The following TYRP1 variants were observed in gnomAD, a reference collection of about 807,000 sequenced individuals.
The protein encoded by TYRP1 is 5,6-dihydroxyindole-2-carboxylic acid oxidase.
In TYRP1, 49 loss-of-function variants were observed where a neutral mutation model predicts 42.8. The ratio of observed to expected loss-of-function variants is 1.14; its 90% CI spans 0.91 to 1.45. The LOEUF (loss-of-function observed/expected upper bound fraction) is 1.45, where lower values mean the gene tolerates loss of function less well. Ranked by LOEUF, TYRP1 falls within the 40% of genes most tolerant of loss-of-function variation. TYRP1 has a pLI of 0.00. For synonymous variants in TYRP1, 279 were observed against 235.4 expected, an observed-to-expected ratio of 1.19 and a Z score of -1.69; for missense variants, 848 against 662.0, an observed-to-expected ratio of 1.28 and a Z score of -3.08.
chr9:12,706,399 A>C (rs1429415907), intron 6 of TYRP1, among the ~76,000 whole-genome samples: 1 of 152,004 alleles, frequency 6.6e-6, no homozygotes, highest in Non-Finnish European at 1.5e-5. Context: ...ATTATTTCAC[A>C]TTGATAGCAA....
intron 5 of TYRP1, among the ~76,000 whole-genome samples, chr9:12,703,541 G>T (rs866387317): frequency 1.3e-5 from 2 of 151,676 alleles, no homozygotes; most frequent in African/African-American, 2.4e-5. Flanking sequence ...CTTATTTCCT[G>T]ACAAAATGTA....
chr9:12,706,695 A>G (rs910518423), intron 6 of TYRP1, among the ~76,000 whole-genome samples: 1 of 152,058 alleles, frequency 6.6e-6, no homozygotes, highest in Non-Finnish European at 1.5e-5. Context: ...CTTCTTAAAT[A>G]TTCCTTGTAC....
chr9:12,698,311 C>G (rs1473794204), intron 3 of TYRP1, 140 bp from the exon 4 acceptor site: 1 of 836,924 alleles, frequency 1.2e-6, no homozygotes, highest in African/African-American at 1.7e-5. Context: ...CTCTGGGCCC[C>G]TCAGACACCG....
chr9:12,702,200 A>C, intron 4 of TYRP1, 71 bp from the exon 5 acceptor site: 1 of 1,527,734 alleles, frequency 6.5e-7, no homozygotes, highest in Non-Finnish European at 9.0e-7. Flanking sequence ...GCTATGTATA[A>C]AGTTTTAAAG....
At chr9:12,705,597 A>C (rs1258087047) in intron 6 of TYRP1, among the ~76,000 whole-genome samples, 1 of 152,078 alleles carries the variant, frequency 6.6e-6, no homozygotes, top group African/African-American at 2.4e-5. Context: ...CTGTAATCGC[A>C]GCACTTTGGG....
chr9:12,704,834 T>G (rs1471201963), intron 6 of TYRP1, 129 bp downstream of exon 6: 6 of 880,706 alleles, frequency 6.8e-6, no homozygotes, highest in Non-Finnish European at 1.1e-5. Flanking sequence ...AGCTGTAATA[T>G]CAAGTCACTT....
intron 6 of TYRP1, among the ~76,000 whole-genome samples, chr9:12,704,951 C>CTAAT (rs1254833767): frequency 6.6e-6 from 1 of 151,990 alleles, no homozygotes; most frequent in Non-Finnish European, 1.5e-5. Flanking sequence ...ATCATCTCTC[C>CTAAT]TAATTTTTGC....
At position 12,708,108 on chromosome 9, in the gene TYRP1, A is replaced by G; in HGVS notation, c.1373A>G (p.Asp458Gly). 6.2e-7 allele frequency: 1 copy of G among 1,612,816 alleles called. No individual in the cohort carries two copies. The highest frequency in any genetic ancestry group is 1.1e-5 in the South Asian group (1 of 91,052). ...TNTEMFVTAP[D>G]NLGYTYEIQW... ...ACAGAAATGTTTGTTACTGCTCCAG[A>G]CAACCTGGGATACACTTATGAAATT... is the stretch of plus-strand genomic sequence containing the variant. The change falls in exon 7 of 8, where the codon GAC (aspartate) becomes GGC (glycine). Residue 458 changes from aspartate to glycine, a missense_variant. Transcript: ENST00000388918.
intron 3 of TYRP1, among the ~76,000 whole-genome samples, chr9:12,698,210 T>C (rs576042799): frequency 6.6e-6 from 1 of 152,228 alleles, no homozygotes; most frequent in South Asian, 2.1e-4. Context: ...TTTTCAGAAA[T>C]GTCTGCATAA....
intron 2 of TYRP1, among the ~76,000 whole-genome samples, chr9:12,694,796 C>A (rs1166173118): frequency 6.6e-6 from 1 of 152,178 alleles, no homozygotes; most frequent in African/African-American, 2.4e-5. Context: ...TCTGCAACTA[C>A]CCCTGCTGAC....
At chr9:12,695,390 A>G (rs916065479) in intron 2 of TYRP1, 125 bp from the exon 3 acceptor site, 7 of 869,394 alleles carry the variant, frequency 8.1e-6, no homozygotes, top group South Asian at 6.4e-5. Context: ...AAAGTGTAAA[A>G]TAATTTAAAA....
chr9:12,701,550 T>G (rs1470212196), intron 4 of TYRP1: 2 of 151,976 alleles, frequency 1.3e-5, no homozygotes, highest in African/African-American at 4.8e-5. Flanking sequence ...CTAAGAAAAT[T>G]TTTCTTAATC....
At chr9:12,707,300 A>C (rs894344764) in intron 6 of TYRP1, among the ~76,000 whole-genome samples, 1 of 151,972 alleles carries the variant, frequency 6.6e-6, no homozygotes, top group Non-Finnish European at 1.5e-5. Context: ...ATTATTTTCA[A>C]ATCTACTATT....
At position 12,703,907 on chromosome 9, in the gene TYRP1, GTGTA is replaced by G. The variant is rs1435979759; in HGVS notation, c.1082-617_1082-614del. Among the ~76,000 whole-genome samples the G allele has an allele frequency of 1.0e-3, 143 of 139,686 alleles. 2 individuals carry two copies. Among genetic ancestry groups the G allele is most frequent in the African/African-American group, 3.1e-3 (124 of 39,388 alleles). The allele number at this position is 139,686 out of a possible 152,430, so 91.6% of individuals were successfully genotyped here. A position where few individuals can be genotyped will look rare whatever the true frequency, so the allele number is the denominator to read the frequency against. On this transcript the variant is annotated intron_variant, in intron 5 of 7. Coordinates refer to ENST00000388918, the MANE Select transcript of TYRP1 (RefSeq NM_000550.3). ...TATGTGTGTGTGTGTGTGTGTGTGT[GTGTA>G]TATATGTGTGTGTATATGTATATAT...
At position 12,699,715 on chromosome 9, in the gene TYRP1, A is replaced by G. The variant is rs188623682; in HGVS notation, c.913+1060A>G. ...TGTATTTGTTTGGTATGCTGAATGC[A>G]TGATCCCACCTTGTGGCAGAGAACT... is the stretch of plus-strand genomic sequence containing the variant. On this transcript the variant is annotated intron_variant, in intron 4 of 7. Transcript: ENST00000388918. Among the ~76,000 whole-genome samples, 17 of 152,224 alleles carry G rather than the reference A, an allele frequency of 1.1e-4. No individual in the cohort carries two copies. In the East Asian group the frequency reaches 3.1e-3, roughly 28 times the overall value.
chr9:12,704,808 A>G (rs1233832582), intron 6 of TYRP1, 103 bp downstream of exon 6: 1 of 1,157,142 alleles, frequency 8.6e-7, no homozygotes, highest in African/African-American at 1.5e-5. Context: ...AAACACTTTC[A>G]AAATAAGGAT....
rs771644245 is a variant in TYRP1, at chr9:12,698,409, T to TAAAC, written c.709-40_709-37dup. 54 of 1,564,528 alleles carry TAAAC rather than the reference T, an allele frequency of 3.5e-5. 1 individual carries two copies. In the South Asian group the frequency reaches 5.0e-4, roughly 14 times the overall value. On this transcript the variant is annotated intron_variant, in intron 3 of 7. Transcript: ENST00000388918. ...TAGACCAAACAGAAATGAATAATTG[T>TAAAC]AAACAGAAGCAGAGAGTATTAATGT... is the stretch of plus-strand genomic sequence containing the variant.
rs190526257 is a variant in TYRP1, at chr9:12,698,109, A to G, written c.709-342A>G. On this transcript the variant is annotated intron_variant, in intron 3 of 7. Transcript: ENST00000388918. ...AGAAGGTGGAAATGCCAAGAAGTGGATGTTGTTATTGATAACTTTTTTGTA... is the reference window on the plus strand; with the variant it reads ...AGAAGGTGGAAATGCCAAGAAGTGGGTGTTGTTATTGATAACTTTTTTGTA... 9.9e-5 allele frequency among the ~76,000 whole-genome samples: 15 copies of G among 152,072 alleles called. No individual in the cohort carries two copies. In the East Asian group the frequency reaches 2.3e-3, roughly 24 times the overall value.
At chr9:12,699,119 C>G (rs1216283090) in intron 4 of TYRP1, among the ~76,000 whole-genome samples, 1 of 152,048 alleles carries the variant, frequency 6.6e-6, no homozygotes, top group African/African-American at 2.4e-5. Context: ...AGTTAGAAAA[C>G]AAAAGCTGAT....
Sources: allele counts gnomAD v4.1 joint callset (sites outside exome capture counted in the v4.1 genomes callset), GRCh38; gene constraint gnomAD v4.1.1; transcripts MANE v1.5; gene names NCBI Gene and HGNC (gene_info 2026-07-23, HGNC 2026-07-21).